Variants in SH3RF3 observed in about 807,000 individuals in gnomAD.
SH3RF3 encodes E3 ubiquitin-protein ligase SH3RF3.
Under a neutral mutation model 66.3 loss-of-function variants are expected in SH3RF3, and 29 were observed. The ratio of observed to expected loss-of-function variants is 0.44; its 90% CI spans 0.33 to 0.60. The LOEUF (loss-of-function observed/expected upper bound fraction) is 0.60, where lower values mean the gene tolerates loss of function less well. Ranked by LOEUF, SH3RF3 falls within the 20% of genes least tolerant of loss-of-function variation. SH3RF3 has a pLI of 0.04. For synonymous variants in SH3RF3, 583 were observed against 532.0 expected, an observed-to-expected ratio of 1.10 and a Z score of -1.32; for missense variants, 1,194 against 1,190.9, an observed-to-expected ratio of 1.00 and a Z score of -0.04.
At chr2:109,453,517 G>A (rs901163812) in intron 8 of SH3RF3, among the ~76,000 whole-genome samples, 2 of 152,146 alleles carry the variant, frequency 1.3e-5, no homozygotes, top group Non-Finnish European at 2.9e-5. Flanking sequence ...CCAGGGGAGA[G>A]TCACCCAGAA....
rs534321149 is a variant in SH3RF3 at position 109,241,891 on chromosome 2, G to A, written c.574-105783G>A. Among the ~76,000 whole-genome samples, 416 of 151,538 alleles carry A rather than the reference G, an allele frequency of 2.7e-3. 2 individuals are homozygous for A. Among genetic ancestry groups the A allele is most frequent in the African/African-American group, 9.8e-3 (404 of 41,246 alleles). ...CGCCATTCTCCTGCCTCAGCCTCCC[G>A]AGTAGCTGGGACTACAGGGGCCCAC... On this transcript the variant is annotated intron_variant, in intron 1 of 9. Transcript: ENST00000309415.
At chr2:109,312,902 G>T (rs1256939877) in intron 1 of SH3RF3, among the ~76,000 whole-genome samples, 13 of 152,160 alleles carry the variant, frequency 8.5e-5, no homozygotes, top group Non-Finnish European at 7.3e-5. Context: ...GACTTGCTGG[G>T]TCACGTGGTC....
At chr2:109,476,693 T>A (rs186695673) in intron 8 of SH3RF3, among the ~76,000 whole-genome samples, 6 of 152,054 alleles carry the variant, frequency 3.9e-5, no homozygotes, top group Non-Finnish European at 5.9e-5. Context: ...TCAGGGTGAG[T>A]CTGTAAAGTG....
intron 5 of SH3RF3, 53 bp downstream of exon 5, chr2:109,419,695 G>T: frequency 6.6e-7 from 1 of 1,518,448 alleles, no homozygotes; most frequent in East Asian, 2.4e-5. Flanking sequence ...CCTCCCTCCT[G>T]CCTGGGCTGA....
chr2:109,409,285 G>C (rs1559068062), intron 4 of SH3RF3, among the ~76,000 whole-genome samples: 1 of 152,152 alleles, frequency 6.6e-6, no homozygotes, highest in South Asian at 2.1e-4. Context: ...CCTAGAGCAG[G>C]GGCAGCAAAC....
At chr2:109,228,258 C>T (rs1434360524) in intron 1 of SH3RF3, among the ~76,000 whole-genome samples, 4 of 152,142 alleles carry the variant, frequency 2.6e-5, no homozygotes, top group Non-Finnish European at 5.9e-5. Context: ...GTTAGCAGTG[C>T]GTGTCTATCC....
chr2:109,246,812 C>T (rs906494283), intron 1 of SH3RF3, among the ~76,000 whole-genome samples: 13 of 152,178 alleles, frequency 8.5e-5, no homozygotes, highest in Non-Finnish European at 1.5e-5. Context: ...CAGTCGGATG[C>T]CCTAGCTCAT....
At chr2:109,342,130 C>T (rs1348037717) in intron 1 of SH3RF3, among the ~76,000 whole-genome samples, 1 of 152,230 alleles carries the variant, frequency 6.6e-6, no homozygotes, top group Non-Finnish European at 1.5e-5. Flanking sequence ...CTGTGTCCAT[C>T]TATAACTCTG....
intron 1 of SH3RF3, among the ~76,000 whole-genome samples, chr2:109,231,938 C>T (rs1679523294): frequency 6.6e-6 from 1 of 152,192 alleles, no homozygotes; most frequent in Non-Finnish European, 1.5e-5. Flanking sequence ...AGTATATTCA[C>T]AGAGTTGTGT....
chr2:109,331,380 C>T (rs192160462), intron 1 of SH3RF3, among the ~76,000 whole-genome samples: 97 of 152,200 alleles, frequency 6.4e-4, no homozygotes, highest in Middle Eastern at 3.4e-3. Flanking sequence ...CTCTCTCTCC[C>T]CTTGTTTTGC....
At chr2:109,167,781 C>T (rs1677665101) in intron 1 of SH3RF3, among the ~76,000 whole-genome samples, 1 of 152,104 alleles carries the variant, frequency 6.6e-6, no homozygotes, top group African/African-American at 2.4e-5. Flanking sequence ...CCATGTTAGC[C>T]AGGATGGTCT....
chr2:109,498,082 A>G (rs998091538), intron 9 of SH3RF3, among the ~76,000 whole-genome samples: 1 of 152,132 alleles, frequency 6.6e-6, no homozygotes, highest in Non-Finnish European at 1.5e-5. Context: ...TCCTCCTTGA[A>G]GGAGGGCCAG....
chr2:109,410,644 T>TGGG, intron 4 of SH3RF3, among the ~76,000 whole-genome samples: 1 of 152,342 alleles, frequency 6.6e-6, no homozygotes, highest in South Asian at 2.1e-4. Context: ...CTCAGAGAAC[T>TGGG]GGGCCACTGC....
intron 1 of SH3RF3, among the ~76,000 whole-genome samples, chr2:109,188,694 A>G (rs1678261313): frequency 6.6e-6 from 1 of 152,158 alleles, no homozygotes; most frequent in African/African-American, 2.4e-5. Flanking sequence ...TGACTTTGCA[A>G]GACCACCTCC....
At chr2:109,406,038 C>T (rs904945488) in intron 4 of SH3RF3, among the ~76,000 whole-genome samples, 1 of 152,194 alleles carries the variant, frequency 6.6e-6, no homozygotes, top group African/African-American at 2.4e-5. Flanking sequence ...GACACAGCTG[C>T]GGGGCTCTGG....
At chr2:109,153,335 T>C (rs1303906554) in intron 1 of SH3RF3, among the ~76,000 whole-genome samples, 2 of 152,244 alleles carry the variant, frequency 1.3e-5, no homozygotes, top group African/African-American at 2.4e-5. Flanking sequence ...ATGCCTTTTT[T>C]TCTCTCTTCT....
chr2:109,339,553 C>T (rs1168870593), intron 1 of SH3RF3, among the ~76,000 whole-genome samples: 2 of 152,184 alleles, frequency 1.3e-5, no homozygotes, highest in Non-Finnish European at 1.5e-5. Flanking sequence ...ATGGGGCCGA[C>T]CAGGCATCAG....
chr2:109,188,725 C>T (rs1179574708), intron 1 of SH3RF3, among the ~76,000 whole-genome samples: 1 of 152,180 alleles, frequency 6.6e-6, no homozygotes, highest in Non-Finnish European at 1.5e-5. Flanking sequence ...TGCTTGCCGT[C>T]AGTGTGTGCT....
At chr2:109,328,750 C>G (rs924138562) in intron 1 of SH3RF3, among the ~76,000 whole-genome samples, 1 of 152,196 alleles carries the variant, frequency 6.6e-6, no homozygotes, top group Non-Finnish European at 1.5e-5. Context: ...TCCTCTCCCC[C>G]ACATTTGTGT....
Sources: allele counts gnomAD v4.1 joint callset (sites outside exome capture counted in the v4.1 genomes callset), GRCh38; gene constraint gnomAD v4.1.1; transcripts MANE v1.5; gene names NCBI Gene and HGNC (gene_info 2026-07-23, HGNC 2026-07-21).